The following STX18 variants were observed in gnomAD, a reference collection of about 807,000 sequenced individuals.
STX18 encodes syntaxin 18, also known as syntaxin-18.
Under a neutral mutation model 50.1 loss-of-function variants are expected in STX18, and 40 were observed. The ratio of observed to expected loss-of-function variants is 0.80; its 90% CI spans 0.62 to 1.04. The LOEUF is 1.04. Among genes scored for constraint, STX18 ranks in the 50% least tolerant of loss-of-function variants. The pLI is 0.00. For missense variants in STX18, 410 were observed against 415.8 expected (o/e 0.99, Z 0.12); for synonymous variants, 158 against 151.8 (o/e 1.04, Z -0.30).
At chr4:4,523,846 C>T (rs1361599741) in intron 1 of STX18, among the ~76,000 whole-genome samples, 2 of 152,144 alleles carry the variant, frequency 1.3e-5, no homozygotes, top group Admixed American at 6.5e-5. Context: ...CCATGGCCTT[C>T]GAGATAATGC....
chr4:4,455,025 T>C (rs1215977692), intron 5 of STX18, among the ~76,000 whole-genome samples: 1 of 152,166 alleles, frequency 6.6e-6, no homozygotes, highest in Non-Finnish European at 1.5e-5. Flanking sequence ...TCCCATTTTA[T>C]AGGTAAGGAA....
rs77151234 is a variant in STX18 at position 4,450,397 on chromosome 4, C to T, written c.497+6794G>A. Among the ~76,000 whole-genome samples, 582 of 152,280 alleles carry T rather than the reference C, an allele frequency of 3.8e-3. 17 individuals carry two copies. In the East Asian group the frequency reaches 0.1, roughly 26 times the overall value. ...AGTGCAGTGGCTCAATATCAGCTCA[C>T]TGCAACCTGCACCTCCCGAGTCAAG... is the stretch of plus-strand genomic sequence containing the variant. On this transcript the variant is annotated intron_variant, in intron 5 of 10. Coordinates refer to ENST00000306200, the MANE Select transcript of STX18 (RefSeq NM_016930.4).
At chr4:4,534,155 G>C (rs937923790) in intron 1 of STX18, among the ~76,000 whole-genome samples, 14 of 152,156 alleles carry the variant, frequency 9.2e-5, no homozygotes, top group Non-Finnish European at 2.9e-5. Flanking sequence ...TGTCTCCAAG[G>C]TCTAAATGTG....
intron 2 of STX18, among the ~76,000 whole-genome samples, chr4:4,462,515 T>C (rs535913375): frequency 2.0e-5 from 3 of 152,308 alleles, no homozygotes; most frequent in South Asian, 2.1e-4. Flanking sequence ...GAATTCAGTG[T>C]GCATGAGTTG....
chr4:4,529,699 G>A (rs1005521254), intron 1 of STX18, among the ~76,000 whole-genome samples: 2 of 152,172 alleles, frequency 1.3e-5, no homozygotes, highest in African/African-American at 2.4e-5. Flanking sequence ...CACCAGGGAC[G>A]TCATCTTGGG....
intron 1 of STX18, among the ~76,000 whole-genome samples, chr4:4,539,950 T>C (rs187802890): frequency 1.6e-4 from 25 of 152,198 alleles, no homozygotes; most frequent in Middle Eastern, 6.8e-3. Flanking sequence ...TGTTAATAAA[T>C]CAGTGGTTTC....
At chr4:4,434,105 T>G (rs1725656449) in intron 7 of STX18, among the ~76,000 whole-genome samples, 1 of 152,270 alleles carries the variant, frequency 6.6e-6, no homozygotes, top group South Asian at 2.1e-4. Flanking sequence ...AGGCGTGCCG[T>G]GTGGTAGTCA....
rs559395200 is a variant in STX18 at position 4,494,961 on chromosome 4, C to A, written c.169-23255G>T. Among the ~76,000 whole-genome samples the A allele has an allele frequency of 3.3e-5, 5 of 152,256 alleles. No homozygotes were observed. In the South Asian group the frequency reaches 6.2e-4, roughly 19 times the overall value. ...GTAGGGCCCTGTAAAAATTATTTAT[C>A]CCTTCCCCACCCTGCTCCATAAGGC... On this transcript the variant is annotated intron_variant, in intron 1 of 10. Coordinates refer to ENST00000306200, the MANE Select transcript of STX18 (RefSeq NM_016930.4).
At chr4:4,485,278 C>T (rs955239438) in intron 1 of STX18, among the ~76,000 whole-genome samples, 3 of 152,216 alleles carry the variant, frequency 2.0e-5, no homozygotes, top group African/African-American at 4.8e-5. Context: ...GTCTGGCACA[C>T]AGTAGGTGCT....
intron 7 of STX18, among the ~76,000 whole-genome samples, chr4:4,428,786 C>A (rs1461680649): frequency 6.6e-6 from 1 of 152,126 alleles, no homozygotes; most frequent in Non-Finnish European, 1.5e-5. Flanking sequence ...GAATGAAAGA[C>A]CTGGTCTCCA....
intron 1 of STX18, among the ~76,000 whole-genome samples, chr4:4,485,934 T>G (rs1424471543): frequency 6.6e-6 from 1 of 152,206 alleles, no homozygotes; most frequent in African/African-American, 2.4e-5. Context: ...CTGCTTATAC[T>G]AGAATTCCAT....
chr4:4,423,502 G>C lies in STX18; in HGVS notation c.831+16C>G, dbSNP rs371870086. ...TTGAGTGAAAACATACAGCTCCTTT[G>C]TTTTTGTTTTTTTACCTGTTGCAAA... is the stretch of plus-strand genomic sequence containing the variant. On this transcript the variant is annotated intron_variant, in intron 9 of 10. Transcript: ENST00000306200. The C allele has an allele frequency of 3.1e-6, 5 of 1,613,294 alleles. No individual in the cohort carries two copies. The African/African-American group carries it at 6.7e-5, about 22-fold the overall frequency.
At chr4:4,505,664 C>G (rs967784948) in intron 1 of STX18, among the ~76,000 whole-genome samples, 1 of 151,926 alleles carries the variant, frequency 6.6e-6, no homozygotes, top group African/African-American at 2.4e-5. Flanking sequence ...TGGTGCACAT[C>G]TGTAATCCCA....
At chr4:4,463,925 T>C (rs1727501466) in intron 2 of STX18, among the ~76,000 whole-genome samples, 1 of 152,218 alleles carries the variant, frequency 6.6e-6, no homozygotes, top group Non-Finnish European at 1.5e-5. Flanking sequence ...TAAGTGCAAG[T>C]AGACAAAGCA....
At chr4:4,445,811 T>G (rs1726368765) in intron 5 of STX18, among the ~76,000 whole-genome samples, 1 of 152,238 alleles carries the variant, frequency 6.6e-6, no homozygotes, top group South Asian at 2.1e-4. Context: ...GCAGATTTTC[T>G]GAAGAAACCG....
chr4:4,443,594 C>A (rs1418417235), intron 5 of STX18, among the ~76,000 whole-genome samples: 1 of 152,150 alleles, frequency 6.6e-6, no homozygotes, highest in African/African-American at 2.4e-5. Context: ...GAAGGTATTA[C>A]AAGAAGAGAA....
At chr4:4,470,031 CTA>C (rs1258585172) in intron 2 of STX18, among the ~76,000 whole-genome samples, 1 of 152,164 alleles carries the variant, frequency 6.6e-6, no homozygotes, top group Admixed American at 6.5e-5. Context: ...ACCTAATGTA[CTA>C]TACACGTAGT....
chr4:4,448,908 G>A (rs970969786), intron 5 of STX18, among the ~76,000 whole-genome samples: 7 of 152,052 alleles, frequency 4.6e-5, no homozygotes, highest in African/African-American at 1.7e-4. Flanking sequence ...TTCTGAGTGA[G>A]AAACCTGGCT....
At chr4:4,469,146 C>T (rs1011136823) in intron 2 of STX18, among the ~76,000 whole-genome samples, 2 of 152,130 alleles carry the variant, frequency 1.3e-5, no homozygotes, top group Non-Finnish European at 2.9e-5. Context: ...GTGAGGGAAA[C>T]CGAGCCATAT....
Sources: gnomAD v4.1 joint callset for allele counts (sites outside exome capture counted in the v4.1 genomes callset) on GRCh38, gnomAD v4.1.1 for gene constraint, MANE v1.5 for transcripts, NCBI Gene and HGNC (gene_info 2026-07-23, HGNC 2026-07-21) for gene names.